Variants in VWF observed in about 807,000 individuals in gnomAD.
VWF encodes Factor VIII related antigen.
VWF carries 176 observed loss-of-function variants against 308.6 expected under a neutral mutation model. That is an observed-to-expected ratio of 0.57 (90% CI 0.50 to 0.65). The LOEUF (loss-of-function observed/expected upper bound fraction) is 0.65, where lower values mean the gene tolerates loss of function less well. VWF is among the 30% of genes least tolerant of loss of function. The probability of loss-of-function intolerance (pLI) is 0.00; values close to 1 mark genes in which losing one functional copy is unlikely to be tolerated. For synonymous variants in VWF, 1,385 were observed against 1,443.4 expected (o/e 0.96, Z 0.92); for missense variants, 3,146 against 3,648.2 (o/e 0.86, Z 3.55).
At chr12:5,998,660 T>A (rs1400062585) in intron 34 of VWF, among the ~76,000 whole-genome samples, 2 of 151,240 alleles carry the variant, frequency 1.3e-5, no homozygotes, top group Non-Finnish European at 3.0e-5. Context: ...TAAATTACTA[T>A]GAAAAAAGCA....
chr12:6,001,614 G>A (rs1233427597), intron 34 of VWF, among the ~76,000 whole-genome samples: 1 of 152,198 alleles, frequency 6.6e-6, no homozygotes, highest in Non-Finnish European at 1.5e-5. Flanking sequence ...TATAGGAGAA[G>A]CAAGGAGACA....
chr12:6,064,796 CCCTCT>C (rs1367682718), intron 11 of VWF, among the ~76,000 whole-genome samples: 1 of 152,208 alleles, frequency 6.6e-6, no homozygotes, highest in Non-Finnish European at 1.5e-5. Flanking sequence ...AGAAGACCAG[CCCTCT>C]TTGCCCCCAC....
At chr12:5,980,320 C>T (rs1943591684) in intron 42 of VWF, among the ~76,000 whole-genome samples, 1 of 150,192 alleles carries the variant, frequency 6.7e-6, no homozygotes, top group Admixed American at 6.6e-5. Flanking sequence ...ACATGGCACC[C>T]TTGATCAGGT....
intron 43 of VWF, among the ~76,000 whole-genome samples, chr12:5,972,452 A>G (rs1943487213): frequency 6.6e-6 from 1 of 152,166 alleles, no homozygotes; most frequent in African/African-American, 2.4e-5. Flanking sequence ...AGAGAAAAGA[A>G]CCCAGGACTA....
Position 5,969,384 on chromosome 12 carries a change from G to C in VWF, c.7556C>G (p.Ser2519Cys). Reference sequence around the variant, plus strand: ...GGGGTTCTCCGGGGAGGCCCACTGGGAGCCGACCTGCAGGGCACCAGAGTT... The same window carrying C: ...GGGGTTCTCCGGGGAGGCCCACTGGCAGCCGACCTGCAGGGCACCAGAGTT... Reference protein sequence around the residue: ...DSQSSWKSVGSQWASPENPCL... With the variant: ...DSQSSWKSVGCQWASPENPCL... The change falls in exon 45 of 52, where the codon TCC becomes TGC. Residue 2519 changes from serine to cysteine, a missense_variant. By Grantham distance (112) the Ser-to-Cys change is moderately radical (BLOSUM62 -1). This residue lies in a region of VWF where 989 missense variants were observed against 1,117.4 expected (regional missense o/e 0.89). Transcript: ENST00000261405. The C allele has an allele frequency of 6.2e-7, 1 of 1,614,218 alleles. No individual in the cohort carries two copies. The highest frequency in any genetic ancestry group is 8.5e-7 in the Non-Finnish European group (1 of 1,180,038).
intron 26 of VWF, among the ~76,000 whole-genome samples, chr12:6,022,465 C>T (rs140221725): frequency 0.064 from 9,650 of 151,564 alleles, 994 homozygotes; most frequent in African/African-American, 0.22. Flanking sequence ...ACATTCAATA[C>T]AACATTCCCC....
intron 47 of VWF, among the ~76,000 whole-genome samples, chr12:5,964,282 A>ACATACATACATACATG (rs1269684878): frequency 8.4e-5 from 12 of 143,366 alleles, no homozygotes; most frequent in African/African-American, 3.0e-4. Flanking sequence ...ATGCATACAT[A>ACATACATACATACATG]CATGCATACA....
intron 5 of VWF, among the ~76,000 whole-genome samples, chr12:6,100,708 C>G (rs1439211110): frequency 6.6e-6 from 1 of 152,110 alleles, no homozygotes; most frequent in Non-Finnish European, 1.5e-5. Flanking sequence ...CACATGGACA[C>G]AGGAAGGGGA....
At position 5,988,563 on chromosome 12, in the gene VWF, C is replaced by A. The variant is rs190304831; in HGVS notation, c.6799-2898G>T. On this transcript the variant is annotated intron_variant, in intron 38 of 51. Transcript: ENST00000261405. ...AACTATCCTGAGAATGGGTAACACACAACAGATGACCAAAAGCAGGTGTCC... is the reference window on the plus strand; with the variant it reads ...AACTATCCTGAGAATGGGTAACACAAAACAGATGACCAAAAGCAGGTGTCC... Among the ~76,000 whole-genome samples the A allele has an allele frequency of 1.7e-3, 260 of 152,316 alleles. 1 individual carries two copies. The highest frequency in any genetic ancestry group is 6.0e-3 in the African/African-American group (251 of 41,568).
intron 34 of VWF, among the ~76,000 whole-genome samples, chr12:5,998,097 T>C (rs562031369): frequency 2.0e-5 from 3 of 152,174 alleles, no homozygotes; most frequent in Admixed American, 6.5e-5. Flanking sequence ...TTTTGGCTGA[T>C]TGTCAAAATG....
chr12:5,973,418 A>G (rs2136360290), intron 43 of VWF, among the ~76,000 whole-genome samples: 1 of 152,346 alleles, frequency 6.6e-6, no homozygotes, highest in East Asian at 1.9e-4. Flanking sequence ...TAGCAGCACA[A>G]TCCTTTAAGC....
intron 5 of VWF, among the ~76,000 whole-genome samples, chr12:6,105,581 G>C (rs1287236678): frequency 6.6e-6 from 1 of 152,120 alleles, no homozygotes; most frequent in Non-Finnish European, 1.5e-5. Flanking sequence ...TGTTTAAGAA[G>C]AAATTGCATA....
intron 3 of VWF, among the ~76,000 whole-genome samples, chr12:6,116,474 C>T (rs528317520): frequency 6.6e-6 from 1 of 152,298 alleles, no homozygotes; most frequent in East Asian, 1.9e-4. Flanking sequence ...TGCAGGTGAC[C>T]CTCCCTCCAA....
rs1289020576 is a variant in VWF, at chr12:6,072,346, C to T, written c.1094G>A (p.Arg365Gln). Residue 365 changes from arginine to glutamine, a missense_variant, in exon 9 of 52, where the codon CGA becomes CAA. Arg to Gln is a conservative substitution (Grantham distance 43). This residue lies in a region of VWF where 1,304 missense variants were observed against 1,353.0 expected (regional missense o/e 0.96). Coordinates refer to ENST00000261405, the MANE Select transcript of VWF (RefSeq NM_000552.5). ...KRYPPGTSLS[R>Q]DCNTCICRNS... Reference sequence around the variant, plus strand: ...CCCCCATTACCAGGTGTTGCAGTCTCGAGAGAGGGAGGTGCCGGGAGGGTA... The same window carrying T: ...CCCCCATTACCAGGTGTTGCAGTCTTGAGAGAGGGAGGTGCCGGGAGGGTA... 2.5e-6 allele frequency: 4 copies of T among 1,613,866 alleles called. No individual in the cohort carries two copies. Among genetic ancestry groups the T allele is most frequent in the East Asian group, 4.5e-5 (2 of 44,886 alleles).
At chr12:6,000,720 G>C (rs1457102385) in intron 34 of VWF, among the ~76,000 whole-genome samples, 1 of 149,158 alleles carries the variant, frequency 6.7e-6, no homozygotes, top group Non-Finnish European at 1.5e-5. Flanking sequence ...GCTGAGGCAG[G>C]AGAATGGCGT....
intron 6 of VWF, among the ~76,000 whole-genome samples, chr12:6,089,931 A>G (rs967485738): frequency 6.6e-6 from 1 of 151,848 alleles, no homozygotes; most frequent in Non-Finnish European, 1.5e-5. Context: ...GGAAAAAAAG[A>G]AAGAAATTAT....
intron 47 of VWF, among the ~76,000 whole-genome samples, chr12:5,958,756 T>G (rs1172107750): frequency 1.3e-5 from 2 of 152,178 alleles, no homozygotes; most frequent in East Asian, 1.9e-4. Context: ...GATTTTTACC[T>G]GTTTTCTTTC....
rs113521289 is a variant in VWF, at chr12:6,020,168, T to C, written c.3675-425A>G. ...ACTAAAATGTAGACGCTAACCTGTGTTTGTACATGTTCTGTTGAAGATAAA... is the reference window on the plus strand; with the variant it reads ...ACTAAAATGTAGACGCTAACCTGTGCTTGTACATGTTCTGTTGAAGATAAA... On this transcript the variant is annotated intron_variant, in intron 27 of 51. Transcript: ENST00000261405. This position sits in a 1 kb window ranked among gnomAD's most constrained non-coding sequence, Gnocchi z 4.3. Among the ~76,000 whole-genome samples, 10,224 of 152,282 alleles carry C rather than the reference T, an allele frequency of 0.067. 1,096 individuals are homozygous for C. Among genetic ancestry groups the C allele is most frequent in the African/African-American group, 0.23 (9,422 of 41,506 alleles).
chr12:6,024,458 G>A lies in VWF; in HGVS notation c.3223-671C>T, dbSNP rs1333796267. ...TCTCAATGTCCCCAACTCCTCCCCTGTCCTCACTCTTCCAACTCAGATGCC... is the reference window on the plus strand; with the variant it reads ...TCTCAATGTCCCCAACTCCTCCCCTATCCTCACTCTTCCAACTCAGATGCC... On this transcript the variant is annotated intron_variant, in intron 24 of 51. Transcript: ENST00000261405. This position sits in a 1 kb window ranked among gnomAD's most constrained non-coding sequence, Gnocchi z 4.0. Among the ~76,000 whole-genome samples, 1 of 151,958 alleles carries A rather than the reference G, an allele frequency of 6.6e-6. No homozygotes were observed. Among genetic ancestry groups the A allele is most frequent in the Non-Finnish European group, 1.5e-5 (1 of 68,046 alleles).
Sources: allele counts gnomAD v4.1 joint callset (sites outside exome capture counted in the v4.1 genomes callset), GRCh38; gene constraint gnomAD v4.1.1; regional missense constraint gnomAD v4.1.1; non-coding constraint Gnocchi (gnomAD v3.1); transcripts MANE v1.5; gene names NCBI Gene and HGNC (gene_info 2026-07-23, HGNC 2026-07-21).